Variants in ZNF347 observed in about 807,000 individuals in gnomAD.
ZNF347 encodes the protein CTD-2620I22.7.
In ZNF347, 19 loss-of-function variants were observed where a neutral mutation model predicts 12.9. The observed-to-expected ratio is 1.47, with a 90% CI of 1.03 to 2.16. ZNF347 has a LOEUF of 2.16. Among genes scored for constraint, ZNF347 ranks in the 30% most tolerant of loss-of-function variants. ZNF347 has a pLI of 0.00. For missense variants in ZNF347, 1,005 were observed against 990.6 expected (o/e 1.01, Z -0.19); for synonymous variants, 328 against 340.6 (o/e 0.96, Z 0.41).
chr19:53,150,581 T>G (rs905290360), intron 2 of ZNF347, among the ~76,000 whole-genome samples: 7 of 152,174 alleles, frequency 4.6e-5, no homozygotes, highest in Non-Finnish European at 8.8e-5. Context: ...ATATTCAGTA[T>G]TTAGATGATC....
rs771514265 is a variant in ZNF347 at position 53,149,264 on chromosome 19, T to C, written c.119A>G (p.Asn40Ser). The C allele has an allele frequency of 1.9e-6, 3 of 1,613,426 alleles. No homozygotes were observed. Among genetic ancestry groups the C allele is most frequent in the Non-Finnish European group, 2.5e-6 (3 of 1,179,810 alleles). ...ACCCAGGGAGGCCAGGTTCCTATAA[T>C]TCTCCAACATCACGTCCCTGTACAA... The part of the protein sequence containing the change: ...RTLYRDVMLE[N>S]YRNLASLGIS... The change falls in exon 3 of 5, where the codon AAT (asparagine) becomes AGT (serine). Residue 40 changes from asparagine to serine, a missense_variant. By Grantham distance (46) the Asn-to-Ser change is conservative (BLOSUM62 1). Coordinates refer to ENST00000334197, the MANE Select transcript of ZNF347 (RefSeq NM_032584.3).
chr19:53,138,369 G>C lies in ZNF347; in HGVS notation c.*1939C>G, dbSNP rs2090398463. 2 of 151,776 alleles carry C rather than the reference G, an allele frequency of 1.3e-5. No individual in the cohort carries two copies. Among genetic ancestry groups the C allele is most frequent in the Admixed American group, 1.3e-4 (2 of 15,234 alleles). The allele number at this position is 151,776 out of a possible 1,614,324, so 9.4% of individuals were successfully genotyped here. A position where few individuals can be genotyped will look rare whatever the true frequency, so the allele number is the denominator to read the frequency against. On this transcript the variant is annotated 3_prime_UTR_variant, in exon 5 of 5. Transcript: ENST00000334197. The stretch of plus-strand genomic sequence containing the variant: ...TGGACTCAAGTGACCCCCCTGCCTT[G>C]GGCTCTCAAAGTGCTAGGATTACAG...
chr19:53,156,584 C>T (rs1043841789), intron 1 of ZNF347, among the ~76,000 whole-genome samples: 3 of 152,168 alleles, frequency 2.0e-5, no homozygotes, highest in Non-Finnish European at 2.9e-5. Context: ...TAGGACAGCT[C>T]TTCCTTCTGA....
chr19:53,149,159 C>A (rs146193045), intron 3 of ZNF347, 82 bp downstream of exon 3: 16,251 of 1,580,482 alleles, frequency 0.01, 109 homozygotes, highest in Middle Eastern at 0.021. Flanking sequence ...CCAAGCAATG[C>A]ATGAGCTCCC....
chr19:53,142,221 T>C lies in ZNF347; in HGVS notation c.607A>G (p.Lys203Glu). The stretch of plus-strand genomic sequence containing the variant: ...TCAACCTGATTACATTCATAAATTT[T>C]CCCTTCATATTGAAAAAGCTGCAGT... ...PELQLFQYEG[K>E]IYECNQVEKS... Residue 203 changes from lysine (K) to glutamate (E), a missense_variant, in exon 5 of 5, where the codon AAA becomes GAA. Physicochemically the swap from Lys to Glu is moderately conservative, Grantham distance 56 (BLOSUM62 1). Transcript: ENST00000334197. The C allele has an allele frequency of 6.2e-7, 1 of 1,613,338 alleles. No homozygotes were observed. Among genetic ancestry groups the C allele is most frequent in the South Asian group, 1.1e-5 (1 of 90,764 alleles).
At position 53,135,677 on chromosome 19, in the gene ZNF347, T is replaced by C. The variant is rs1249460853; in HGVS notation, c.*4631A>G. On this transcript the variant is annotated 3_prime_UTR_variant, in exon 5 of 5. Coordinates refer to ENST00000334197, the MANE Select transcript of ZNF347 (RefSeq NM_032584.3). ...CATGAGCCACTGTGCCCAGCCTAAT[T>C]TGATTATTTTGCTTATCTGTCCTAA... 2 of 152,124 alleles carry C rather than the reference T, an allele frequency of 1.3e-5. No individual in the cohort carries two copies. Among genetic ancestry groups the C allele is most frequent in the Non-Finnish European group, 2.9e-5 (2 of 68,020 alleles). 9.4% of individuals were successfully genotyped at this position (152,124 alleles called of 1,614,324 possible). A position where few individuals can be genotyped will look rare whatever the true frequency, so the allele number is the denominator to read the frequency against.
At position 53,140,329 on chromosome 19, in the gene ZNF347, G is replaced by T; in HGVS notation, c.2499C>A (p.Cys833Ter). The T allele has an allele frequency of 6.4e-7, 1 of 1,555,992 alleles. No individual in the cohort carries two copies. The highest frequency in any genetic ancestry group is 8.7e-7 in the Non-Finnish European group (1 of 1,155,608). Residue 833 changes from cysteine to a stop codon, truncating the protein, a stop_gained, in exon 5 of 5, where the codon TGC becomes TGA. Transcript: ENST00000334197. LOFTEE classifies it low-confidence loss of function (END_TRUNC). Reference protein sequence around the residue: ...WKVLKSEFKPCKPSQNS With the variant: ...WKVLKSEFKP ...TCCACTATGAATTCTGTGATGGCTT[G>T]CAAGGTTTGAACTCTGACTTTAGAA...
At position 53,141,464 on chromosome 19, in the gene ZNF347, T is replaced by G; in HGVS notation, c.1364A>C (p.Lys455Thr). 1.2e-6 allele frequency: 2 copies of G among 1,613,814 alleles called. No homozygotes were observed. Among genetic ancestry groups the G allele is most frequent in the African/African-American group, 2.7e-5 (2 of 74,874 alleles). ...GCCGCATTCATGACATTTGTAAGGC[T>G]TTTCTCCGGTGTGAATTACCAGATG... ...AIHLVIHTGEKPYKCHECGKV... is the reference protein window; with the variant it reads ...AIHLVIHTGETPYKCHECGKV... Residue 455 changes from lysine to threonine, a missense_variant, in exon 5 of 5, where the codon AAG becomes ACG. Physicochemically the swap from Lys to Thr is moderately conservative, Grantham distance 78. Transcript: ENST00000334197.
At chr19:53,145,327 A>G (rs1469504148) in intron 4 of ZNF347, among the ~76,000 whole-genome samples, 1 of 151,156 alleles carries the variant, frequency 6.6e-6, no homozygotes, top group Non-Finnish European at 1.5e-5. Context: ...AAACACATGG[A>G]AATTAGACAA....
chr19:53,157,848 A>G (rs1275953284), intron 1 of ZNF347, among the ~76,000 whole-genome samples: 1 of 151,642 alleles, frequency 6.6e-6, no homozygotes, highest in African/African-American at 2.4e-5. Flanking sequence ...CCCTCTCCCT[A>G]CCTTGCTGTC....
In ZNF347 at chr19:53,138,902, A is replaced by G. The variant is rs895662917; in HGVS notation, c.*1406T>C. 6.6e-6 allele frequency: 1 copy of G among 152,138 alleles called. No homozygotes were observed. Among genetic ancestry groups the G allele is most frequent in the African/African-American group, 2.4e-5 (1 of 41,450 alleles). 9.4% of individuals were successfully genotyped at this position (152,138 alleles called of 1,614,324 possible). On this transcript the variant is annotated 3_prime_UTR_variant, in exon 5 of 5. Coordinates refer to ENST00000334197, the MANE Select transcript of ZNF347 (RefSeq NM_032584.3). ...AATGTAATTCCAGCAATTAGTGTGAATTCTACTAAAAACAAAACAAAACAA... is the reference window on the plus strand; with the variant it reads ...AATGTAATTCCAGCAATTAGTGTGAGTTCTACTAAAAACAAAACAAAACAA...
At position 53,140,763 on chromosome 19, in the gene ZNF347, C is replaced by T. The variant is rs768631112; in HGVS notation, c.2065G>A (p.Ala689Thr). Residue 689 changes from alanine (A) to threonine (T), a missense_variant, in exon 5 of 5, where the codon GCC becomes ACC. Transcript: ENST00000334197. The part of the protein sequence containing the change: ...KPYQCNECGK[A>T]FSQTSKLARH... ...GCAAGCTTTGATGTTTGACTAAAGG[C>T]TTTGCCACATTCATTACACTGGTAA... 2.5e-6 allele frequency: 4 copies of T among 1,612,470 alleles called. No homozygotes were observed. Among genetic ancestry groups the T allele is most frequent in the Non-Finnish European group, 2.5e-6 (3 of 1,179,074 alleles).
At chr19:53,144,213 A>G (rs2090448330) in intron 4 of ZNF347, among the ~76,000 whole-genome samples, 1 of 152,190 alleles carries the variant, frequency 6.6e-6, no homozygotes, top group African/African-American at 2.4e-5. Context: ...ACATACAGCT[A>G]ACTATATGTT....
intron 4 of ZNF347, among the ~76,000 whole-genome samples, chr19:53,148,033 A>G (rs535606770): frequency 6.6e-6 from 1 of 152,208 alleles, no homozygotes; most frequent in African/African-American, 2.4e-5. Context: ...AAAGCCATAT[A>G]TGACAAATCC....
intron 4 of ZNF347, among the ~76,000 whole-genome samples, chr19:53,144,678 C>T (rs1322678397): frequency 6.6e-6 from 1 of 152,122 alleles, no homozygotes; most frequent in Non-Finnish European, 1.5e-5. Flanking sequence ...AGGCTGTGGT[C>T]CATTGCCTAG....
At chr19:53,149,598 C>G in intron 2 of ZNF347, 1 of 747,212 alleles carries the variant, frequency 1.3e-6, no homozygotes, top group Non-Finnish European at 1.9e-6. Context: ...GCTGGAGGCC[C>G]CAAGATAGTT....
chr19:53,155,657 A>T lies in ZNF347; in HGVS notation c.-46-1864T>A, dbSNP rs62115502. On this transcript the variant is annotated intron_variant, in intron 1 of 4. Coordinates refer to ENST00000334197, the MANE Select transcript of ZNF347 (RefSeq NM_032584.3). ...GCCCTGTGTACGTGTCTTAATGGAGAACACCACTCCCTAGGTACAGGGATG... is the reference window on the plus strand; with the variant it reads ...GCCCTGTGTACGTGTCTTAATGGAGTACACCACTCCCTAGGTACAGGGATG... Among the ~76,000 whole-genome samples, 547 of 152,170 alleles carry T rather than the reference A, an allele frequency of 3.6e-3. 2 individuals carry two copies. The highest frequency in any genetic ancestry group is 0.02 in the Middle Eastern group (6 of 294).
chr19:53,141,397 T>C lies in ZNF347; in HGVS notation c.1431A>G (p.Leu477=), dbSNP rs763894156. ...TATAAGGTTTCTCTCCAGTATGAAT[T>C]AGCTGATGCCTTGCAAGGTGTGAAT... is the stretch of plus-strand genomic sequence containing the variant. ...RRNSHLARHQ[L]IHTGEKPYKC... The change falls in exon 5 of 5, where the codon CTA becomes CTG. Residue 477 remains leucine, a synonymous_variant. Coordinates refer to ENST00000334197, the MANE Select transcript of ZNF347 (RefSeq NM_032584.3). The C allele has an allele frequency of 5.0e-6, 8 of 1,613,992 alleles. No individual in the cohort carries two copies. Among genetic ancestry groups the C allele is most frequent in the Non-Finnish European group, 6.8e-6 (8 of 1,179,946 alleles).
In ZNF347 at chr19:53,141,532, A is replaced by G; in HGVS notation, c.1296T>C (p.Asn432=). 1.9e-6 allele frequency: 3 copies of G among 1,613,914 alleles called. No homozygotes were observed. Among genetic ancestry groups the G allele is most frequent in the Non-Finnish European group, 2.5e-6 (3 of 1,179,986 alleles). The part of the protein sequence containing the change: ...IHTGEKPYKC[N]ECGKAFGVRS... ...GAACACCAAAGGCTTTGCCGCACTCATTACACTTGTAAGGTTTCTCTCCAG... is the reference window on the plus strand; with the variant it reads ...GAACACCAAAGGCTTTGCCGCACTCGTTACACTTGTAAGGTTTCTCTCCAG... The change falls in exon 5 of 5, where the codon AAT becomes AAC. Residue 432 remains asparagine, a synonymous_variant. Coordinates refer to ENST00000334197, the MANE Select transcript of ZNF347 (RefSeq NM_032584.3).
Sources: gnomAD v4.1 joint callset for allele counts (sites outside exome capture counted in the v4.1 genomes callset) on GRCh38, gnomAD v4.1.1 for gene constraint, MANE v1.5 for transcripts, NCBI Gene and HGNC (gene_info 2026-07-23, HGNC 2026-07-21) for gene names.